CEP162: variants seen among roughly 807,000 people sequenced by gnomAD.
CEP162 encodes the protein centrosomal protein of 162 kDa.
In CEP162, 141 loss-of-function variants were observed where a neutral mutation model predicts 169.2. The ratio of observed to expected loss-of-function variants is 0.83; its 90% CI spans 0.73 to 0.96. The LOEUF (loss-of-function observed/expected upper bound fraction) is 0.96. Ranked by LOEUF, CEP162 falls within the 40% of genes least tolerant of loss-of-function variation. CEP162 has a pLI of 0.00. For missense variants in CEP162, 1,600 were observed against 1,587.2 expected, an observed-to-expected ratio of 1.01 and a Z score of -0.14; for synonymous variants, 540 against 526.4, an observed-to-expected ratio of 1.03 and a Z score of -0.35.
intron 9 of CEP162, among the ~76,000 whole-genome samples, chr6:84,196,630 A>G (rs1203640328): frequency 6.6e-6 from 1 of 152,224 alleles, no homozygotes; most frequent in Non-Finnish European, 1.5e-5. Flanking sequence ...AAAAAGAAGA[A>G]AAACAGGTGA....
At chr6:84,134,211 C>T (rs1405004890) in intron 25 of CEP162, among the ~76,000 whole-genome samples, 4 of 152,172 alleles carry the variant, frequency 2.6e-5, no homozygotes, top group Non-Finnish European at 5.9e-5. Context: ...ACTCCCCCCA[C>T]CAAGCTTGAG....
chr6:84,179,347 G>A (rs1198779346), intron 13 of CEP162, among the ~76,000 whole-genome samples: 3 of 151,958 alleles, frequency 2.0e-5, no homozygotes, highest in Admixed American at 6.6e-5. Flanking sequence ...TTTAATGATC[G>A]CCATTCTAAC....
intron 6 of CEP162, among the ~76,000 whole-genome samples, chr6:84,204,577 CA>C (rs1200342510): frequency 1.3e-5 from 2 of 152,188 alleles, no homozygotes; most frequent in Non-Finnish European, 2.9e-5. Context: ...ACATTTAAAG[CA>C]GTGTGTAGAG....
At chr6:84,189,557 C>G (rs185967941) in intron 11 of CEP162, among the ~76,000 whole-genome samples, 1 of 152,136 alleles carries the variant, frequency 6.6e-6, no homozygotes, top group Non-Finnish European at 1.5e-5. Flanking sequence ...GCAGTGCTGG[C>G]CCACCGGCGC....
intron 16 of CEP162, among the ~76,000 whole-genome samples, chr6:84,173,293 TA>T (rs1235355842): frequency 9.2e-5 from 14 of 152,208 alleles, no homozygotes; most frequent in Admixed American, 8.5e-4. Flanking sequence ...AAAAAGTAAG[TA>T]AAAAATGTCC....
At chr6:84,132,548 A>C (rs2129185558) in intron 25 of CEP162, among the ~76,000 whole-genome samples, 1 of 151,176 alleles carries the variant, frequency 6.6e-6, no homozygotes, top group Middle Eastern at 3.4e-3. Flanking sequence ...ATTTCTTTTT[A>C]CTCTTTTTTC....
chr6:84,150,310 A>G (rs2099520615), intron 23 of CEP162, among the ~76,000 whole-genome samples: 2 of 152,186 alleles, frequency 1.3e-5, no homozygotes, highest in African/African-American at 4.8e-5. Context: ...TTAAAATTAT[A>G]AATAAAGATT....
At chr6:84,224,975 G>C (rs957582830) in intron 2 of CEP162, among the ~76,000 whole-genome samples, 5 of 152,108 alleles carry the variant, frequency 3.3e-5, no homozygotes, top group African/African-American at 1.2e-4. Context: ...TTGACAATTG[G>C]TAGATGCTTT....
chr6:84,200,359 G>GA (rs1224594922), intron 9 of CEP162, among the ~76,000 whole-genome samples: 1 of 152,196 alleles, frequency 6.6e-6, no homozygotes, highest in Non-Finnish European at 1.5e-5. Flanking sequence ...TAAGCTTTAG[G>GA]AAAGTCTAGT....
intron 25 of CEP162, among the ~76,000 whole-genome samples, chr6:84,136,694 G>A (rs1199082275): frequency 6.6e-6 from 1 of 152,128 alleles, no homozygotes; most frequent in Non-Finnish European, 1.5e-5. Context: ...ACTGACATCT[G>A]CTCACTAAGT....
At chr6:84,143,035 A>G (rs777031761) in intron 25 of CEP162, among the ~76,000 whole-genome samples, 1 of 152,096 alleles carries the variant, frequency 6.6e-6, no homozygotes, top group African/African-American at 2.4e-5. Flanking sequence ...AATAATTACT[A>G]TGTTTTATGT....
intron 6 of CEP162, among the ~76,000 whole-genome samples, chr6:84,204,831 G>A (rs1408235545): frequency 6.6e-6 from 1 of 152,080 alleles, no homozygotes; most frequent in East Asian, 1.9e-4. Context: ...TAGACTGCTA[G>A]CAAGACTAAT....
At chr6:84,125,307 A>G (rs1183838492) in intron 26 of CEP162, 31 bp from the exon 27 acceptor site, 4 of 1,572,376 alleles carry the variant, frequency 2.5e-6, no homozygotes, top group Admixed American at 3.4e-5. Flanking sequence ...CATTGCTGTT[A>G]TAGTTCATAG....
At chr6:84,178,264 T>G (rs921991912) in intron 13 of CEP162, among the ~76,000 whole-genome samples, 1 of 152,126 alleles carries the variant, frequency 6.6e-6, no homozygotes, top group African/African-American at 2.4e-5. Flanking sequence ...AATGGTATGG[T>G]GTTTTTTTTT....
chr6:84,223,556 A>G (rs1431236158), intron 2 of CEP162, among the ~76,000 whole-genome samples: 1 of 151,636 alleles, frequency 6.6e-6, no homozygotes, highest in East Asian at 1.9e-4. Flanking sequence ...AAATAGAAAT[A>G]AAACAACAAA....
At position 84,215,802 on chromosome 6, in the gene CEP162, A is replaced by G. The variant is rs1197345603; in HGVS notation, c.293T>C (p.Leu98Ser). Residue 98 changes from leucine (L) to serine (S), a missense_variant, in exon 4 of 27, where the codon TTA (leucine) becomes TCA (serine). Transcript: ENST00000403245. ...QFLKSSGTSL[L>S]STDSLETNEL... The stretch of plus-strand genomic sequence containing the variant: ...ATTTGTTTCTAAGCTATCAGTACTT[A>G]AGAGAGAGGTTCCACTGCTCTTAAG... The G allele has an allele frequency of 2.5e-6, 4 of 1,591,930 alleles. No individual in the cohort carries two copies. The highest frequency in any genetic ancestry group is 1.8e-5 in the Admixed American group (1 of 57,086).
At chr6:84,135,333 T>C (rs746390041) in intron 25 of CEP162, among the ~76,000 whole-genome samples, 27 of 152,174 alleles carry the variant, frequency 1.8e-4, no homozygotes, top group Non-Finnish European at 3.4e-4. Flanking sequence ...TTCACCCAGA[T>C]GATGTCACTT....
intron 6 of CEP162, 63 bp from the exon 7 acceptor site, chr6:84,204,159 A>G (rs2099545789): frequency 1.0e-6 from 1 of 961,164 alleles, no homozygotes; most frequent in African/African-American, 1.6e-5. Flanking sequence ...ATTCCAGGAA[A>G]AGGCTGTTGA....
At chr6:84,226,282 G>T in intron 2 of CEP162, 55 bp downstream of exon 2, 1 of 1,143,044 alleles carries the variant, frequency 8.7e-7, no homozygotes, top group East Asian at 2.6e-5. Context: ...CAGAATTGAA[G>T]GATGAGTCTT....
Sources: allele counts gnomAD v4.1 joint callset (sites outside exome capture counted in the v4.1 genomes callset), GRCh38; gene constraint gnomAD v4.1.1; transcripts MANE v1.5; gene names NCBI Gene and HGNC (gene_info 2026-07-23, HGNC 2026-07-21).